ZFX: variants seen among roughly 807,000 people sequenced by gnomAD.
ZFX encodes zinc finger protein X-linked.
For synonymous variants in ZFX, 196 were observed against 226.8 expected, an observed-to-expected ratio of 0.86 and a Z score of 1.22; for missense variants, 362 against 628.3, an observed-to-expected ratio of 0.58 and a Z score of 4.53.
chrX:24,194,603 A>G (rs1013171027), intron 5 of ZFX, among the ~76,000 whole-genome samples: 1 of 111,506 alleles, frequency 9.0e-6, no homozygotes, highest in African/African-American at 3.3e-5. Flanking sequence ...TCTTTCTTAA[A>G]TATATGTGTA....
In ZFX at chrX:24,176,471, C is replaced by T. The variant is rs757606802; in HGVS notation, c.59-2712C>T. Among the ~76,000 whole-genome samples the T allele has an allele frequency of 3.1e-3, 233 of 74,332 alleles. 1 individual carries two copies. The highest frequency in any genetic ancestry group is 0.012 in the African/African-American group (211 of 17,400). 64.5% of individuals were successfully genotyped at this position (74,332 alleles called of 115,157 possible). ...TTTTTTTGAGACAGTCTTACTCTGT[C>T]GCCCAGGCTGGAGTGCAGTGATACA... On this transcript the variant is annotated intron_variant, in intron 4 of 9. Transcript: ENST00000304543.
chrX:24,206,546 TGTGTA>T (rs1404086672), intron 5 of ZFX, among the ~76,000 whole-genome samples: 72 of 93,431 alleles, frequency 7.7e-4, no homozygotes, highest in Middle Eastern at 5.2e-3. Flanking sequence ...TGTGTGTGTG[TGTGTA>T]TTTTTTTTTT....
At chrX:24,177,877 T>G (rs757645125) in intron 4 of ZFX, 2 of 746,602 alleles carry the variant, frequency 2.7e-6, no homozygotes, top group Non-Finnish European at 3.2e-6. Flanking sequence ...GTAAAACACA[T>G]ATAATGAAGG....
chrX:24,207,306 T>C lies in ZFX; in HGVS notation c.647-20T>C. ...TTTAAATATCTGTTACTATTTGTGA[T>C]TTATTTCCTTCCTTTTTAGTGGATG... On this transcript the variant is annotated intron_variant, in intron 5 of 9. Coordinates refer to ENST00000304543, the MANE Select transcript of ZFX (RefSeq NM_003410.4). 1 of 1,193,995 alleles carries C rather than the reference T, an allele frequency of 8.4e-7. No individual in the cohort carries two copies. Among genetic ancestry groups the C allele is most frequent in the Non-Finnish European group, 1.1e-6 (1 of 882,109 alleles).
chrX:24,208,033 A>G (rs1427144790), intron 7 of ZFX, among the ~76,000 whole-genome samples, 178 bp downstream of exon 7: 1 of 112,966 alleles, frequency 8.9e-6, no homozygotes, highest in Non-Finnish European at 1.9e-5. Context: ...TTATGGTGAA[A>G]GCCAAGAAGT....
At chrX:24,187,650 G>A (rs929231306) in intron 5 of ZFX, among the ~76,000 whole-genome samples, 3 of 111,157 alleles carry the variant, frequency 2.7e-5, no homozygotes, top group Non-Finnish European at 5.7e-5. Context: ...TCATATATAC[G>A]CTATCACTTT....
At chrX:24,160,562 G>A (rs888509232) in intron 3 of ZFX, among the ~76,000 whole-genome samples, 2 of 110,959 alleles carry the variant, frequency 1.8e-5, no homozygotes. Flanking sequence ...GCCTCACAAA[G>A]TGCTGGGATT....
intron 1 of ZFX, among the ~76,000 whole-genome samples, chrX:24,151,152 T>C (rs930295544): frequency 6.2e-5 from 7 of 112,443 alleles, no homozygotes; most frequent in Non-Finnish European, 1.3e-4. Flanking sequence ...TGCAACTTTC[T>C]TGATAAACTC....
chrX:24,168,178 A>G (rs1283310790), intron 3 of ZFX, among the ~76,000 whole-genome samples: 1 of 112,339 alleles, frequency 8.9e-6, no homozygotes, highest in African/African-American at 3.2e-5. Flanking sequence ...TCCCTCTAAG[A>G]CAAATTGTTA....
chrX:24,196,123 A>AT (rs1936902602), intron 5 of ZFX, among the ~76,000 whole-genome samples: 1 of 110,148 alleles, frequency 9.1e-6, no homozygotes, highest in Middle Eastern at 4.8e-3. Context: ...ATCTAAGTTT[A>AT]TTTTTTTTGA....
chrX:24,172,908 T>G (rs770751371), intron 4 of ZFX, 108 bp downstream of exon 4: 29 of 834,386 alleles, frequency 3.5e-5, no homozygotes, highest in Middle Eastern at 3.3e-4. Flanking sequence ...TATCTTGTTA[T>G]CCTGTCAAAA....
intron 1 of ZFX, chrX:24,150,746 A>C (rs1219694697): frequency 8.8e-6 from 1 of 113,212 alleles, no homozygotes; most frequent in African/African-American, 3.2e-5. Context: ...GTGGCTGCTA[A>C]GGTGCTTTCG....
intron 5 of ZFX, among the ~76,000 whole-genome samples, chrX:24,184,141 C>T (rs1935917132): frequency 9.0e-6 from 1 of 111,410 alleles, no homozygotes; most frequent in Non-Finnish European, 1.9e-5. Flanking sequence ...ATTGCAAAAT[C>T]CACAAAAGTC....
At chrX:24,171,937 AGAGAGG>A (rs1934667262) in intron 3 of ZFX, among the ~76,000 whole-genome samples, 2 of 109,373 alleles carry the variant, frequency 1.8e-5, no homozygotes, top group African/African-American at 6.6e-5. Flanking sequence ...AGAGAGAGAG[AGAGAGG>A]CAGACAGACA....
At chrX:24,174,931 G>A (rs1045394037) in intron 4 of ZFX, among the ~76,000 whole-genome samples, 3 of 110,124 alleles carry the variant, frequency 2.7e-5, no homozygotes, top group African/African-American at 6.6e-5. Context: ...GGCTGGTCTC[G>A]AACAAGTGCT....
At chrX:24,202,226 CAT>C (rs2147969899) in intron 5 of ZFX, among the ~76,000 whole-genome samples, 1 of 112,090 alleles carries the variant, frequency 8.9e-6, no homozygotes, top group East Asian at 2.8e-4. Context: ...AAAATTTCAT[CAT>C]GTGCTCTGGC....
chrX:24,201,987 T>C (rs1414940527), intron 5 of ZFX, among the ~76,000 whole-genome samples: 2 of 111,652 alleles, frequency 1.8e-5, no homozygotes, highest in Non-Finnish European at 3.8e-5. Flanking sequence ...TCTGTTGTTT[T>C]CTCACTGATT....
At chrX:24,186,866 C>T (rs1029164620) in intron 5 of ZFX, among the ~76,000 whole-genome samples, 5 of 111,342 alleles carry the variant, frequency 4.5e-5, no homozygotes, top group Non-Finnish European at 9.4e-5. Flanking sequence ...ATCTTTGCTG[C>T]TTATGTATCT....
chrX:24,211,721 A>AG lies in ZFX; in HGVS notation c.*347dup, dbSNP rs1367740115. The stretch of plus-strand genomic sequence containing the variant: ...GTACTCTTCTAAGACCATTAACTTA[A>AG]GGTAACTTTATATTGGTAACTCTGA... On this transcript the variant is annotated 3_prime_UTR_variant, in exon 10 of 10. Transcript: ENST00000304543. 1.3e-5 allele frequency: 2 copies of AG among 152,460 alleles called. No individual in the cohort carries two copies. Among genetic ancestry groups the AG allele is most frequent in the African/African-American group, 3.1e-5 (1 of 31,949 alleles). 12.6% of individuals were successfully genotyped at this position (152,460 alleles called of 1,213,427 possible). A position where few individuals can be genotyped will look rare whatever the true frequency, so the allele number is the denominator to read the frequency against.
Sources: allele counts gnomAD v4.1 joint callset (sites outside exome capture counted in the v4.1 genomes callset), GRCh38; gene constraint gnomAD v4.1.1; transcripts MANE v1.5; gene names NCBI Gene and HGNC (gene_info 2026-07-23, HGNC 2026-07-21).